The following RPA1 variants were observed in gnomAD, a reference collection of about 807,000 sequenced individuals.
RPA1 encodes the protein replication protein A1.
A neutral mutation model predicts 83.0 loss-of-function variants in RPA1; 49 were observed. That is an observed-to-expected ratio of 0.59 (90% CI 0.47 to 0.75). The LOEUF is 0.75. Among genes scored for constraint, RPA1 ranks in the 30% least tolerant of loss-of-function variants. RPA1 has a pLI of 0.00. For missense variants in RPA1, 693 were observed against 776.1 expected, an observed-to-expected ratio of 0.89 and a Z score of 1.27; for synonymous variants, 279 against 281.8, an observed-to-expected ratio of 0.99 and a Z score of 0.10.
At chr17:1,830,152 G>T in intron 1 of RPA1, 26 bp downstream of exon 1, 1 of 1,240,358 alleles carries the variant, frequency 8.1e-7, no homozygotes, top group Non-Finnish European at 1.0e-6. Flanking sequence ...GGGCTGGGCC[G>T]GCGGTCCGGG....
chr17:1,887,217 A>G (rs1914024053), intron 13 of RPA1, among the ~76,000 whole-genome samples: 2 of 152,138 alleles, frequency 1.3e-5, no homozygotes, highest in South Asian at 4.1e-4. Context: ...CCCATCTTAT[A>G]TGGGTGTAGT....
At chr17:1,889,971 G>C (rs550102911) in intron 14 of RPA1, among the ~76,000 whole-genome samples, 1 of 152,066 alleles carries the variant, frequency 6.6e-6, no homozygotes, top group Non-Finnish European at 1.5e-5. Flanking sequence ...CTGCACTCCA[G>C]CCCGGGCGAC....
At chr17:1,857,641 C>T (rs1465632816) in intron 5 of RPA1, among the ~76,000 whole-genome samples, 6 of 150,724 alleles carry the variant, frequency 4.0e-5, no homozygotes, top group Non-Finnish European at 7.4e-5. Flanking sequence ...CCCAAAGCCT[C>T]ACCAACCCAC....
At chr17:1,861,177 AC>A (rs1912949003) in intron 5 of RPA1, among the ~76,000 whole-genome samples, 1 of 152,138 alleles carries the variant, frequency 6.6e-6, no homozygotes, top group South Asian at 2.1e-4. Context: ...GAAACCTGCC[AC>A]CCATTTCTGG....
intron 14 of RPA1, among the ~76,000 whole-genome samples, chr17:1,889,334 A>AT (rs780976221): frequency 0.03 from 2,380 of 79,546 alleles, 39 homozygotes; most frequent in South Asian, 0.15. Context: ...GGTTTAAAAA[A>AT]ATTTTTTTTT....
intron 5 of RPA1, among the ~76,000 whole-genome samples, chr17:1,863,784 T>G (rs1348412910): frequency 6.6e-6 from 1 of 152,262 alleles, no homozygotes; most frequent in Non-Finnish European, 1.5e-5. Context: ...TGTTTTCAGA[T>G]ATTTTTAGTA....
In RPA1 at chr17:1,880,580, C is replaced by T. The variant is rs763813560; in HGVS notation, c.1130C>T (p.Ala377Val). The change falls in exon 12 of 17, where the codon GCT becomes GTT. Residue 377 changes from alanine (A) to valine (V), a missense_variant. Transcript: ENST00000254719. ...KFDGSRQPVL[A>V]IKGARVSDFG... is the part of the protein sequence containing the mutation. ...GATGGTTCTAGACAGCCCGTGTTGG[C>T]TATCAAAGGAGCCCGAGTCTCTGAT... 1 of 1,614,040 alleles carries T rather than the reference C, an allele frequency of 6.2e-7. No individual in the cohort carries two copies.
chr17:1,834,767 C>T (rs1273691086), intron 1 of RPA1, among the ~76,000 whole-genome samples: 1 of 152,134 alleles, frequency 6.6e-6, no homozygotes, highest in Non-Finnish European at 1.5e-5. Flanking sequence ...TCCCATTTTA[C>T]AGAGGAAGGA....
At chr17:1,859,037 G>C (rs1021323448) in intron 5 of RPA1, among the ~76,000 whole-genome samples, 1 of 151,594 alleles carries the variant, frequency 6.6e-6, no homozygotes, top group Non-Finnish European at 1.5e-5. Context: ...CAGGTAGCTA[G>C]GACTACAGGT....
At chr17:1,831,940 T>G (rs1464243543) in intron 1 of RPA1, among the ~76,000 whole-genome samples, 13 of 93,220 alleles carry the variant, frequency 1.4e-4, no homozygotes, top group Non-Finnish European at 2.0e-4. Flanking sequence ...AGAGTCTCAC[T>G]CTTTCTCCCC....
chr17:1,884,745 G>A lies in RPA1; in HGVS notation c.1374+801G>A, dbSNP rs1913928582. ...CCTGTCATGGGACACCCACTCTTTCGGTTCTCTGTAATCCCAGCTACCCAG... is the reference window on the plus strand; with the variant it reads ...CCTGTCATGGGACACCCACTCTTTCAGTTCTCTGTAATCCCAGCTACCCAG... On this transcript the variant is annotated intron_variant, in intron 13 of 16. Coordinates refer to ENST00000254719, the MANE Select transcript of RPA1 (RefSeq NM_002945.5). The surrounding 1 kb of genome is among the most constrained non-coding windows in gnomAD (Gnocchi z 4.1). Among the ~76,000 whole-genome samples, 2 of 152,132 alleles carry A rather than the reference G, an allele frequency of 1.3e-5. No homozygotes were observed. Among genetic ancestry groups the A allele is most frequent in the Admixed American group, 6.5e-5 (1 of 15,278 alleles).
intron 5 of RPA1, among the ~76,000 whole-genome samples, chr17:1,867,199 T>G (rs984039984): frequency 2.0e-5 from 3 of 152,104 alleles, no homozygotes; most frequent in African/African-American, 7.2e-5. Flanking sequence ...AGCGAATTTG[T>G]TATCACATTC....
chr17:1,849,145 C>T lies in RPA1; in HGVS notation c.273-3956C>T, dbSNP rs866873374. Among the ~76,000 whole-genome samples, 14 of 152,248 alleles carry T rather than the reference C, an allele frequency of 9.2e-5. No individual in the cohort carries two copies. The South Asian group carries it at 1.0e-3, about 11-fold the overall frequency. ...CCAGTTTACCTCCCTGCCAACAGCGCGTGAGTGTGGAGTTTCTCCCCGTTC... is the reference window on the plus strand; with the variant it reads ...CCAGTTTACCTCCCTGCCAACAGCGTGTGAGTGTGGAGTTTCTCCCCGTTC... On this transcript the variant is annotated intron_variant, in intron 4 of 16. Coordinates refer to ENST00000254719, the MANE Select transcript of RPA1 (RefSeq NM_002945.5).
intron 16 of RPA1, among the ~76,000 whole-genome samples, chr17:1,896,447 C>T (rs1018198255): frequency 6.6e-6 from 1 of 152,028 alleles, no homozygotes; most frequent in Non-Finnish European, 1.5e-5. Context: ...TTTACCTTAA[C>T]GCCCGTTCTT....
rs112139729 is a variant in RPA1, at chr17:1,897,417, A to G, written c.*242A>G. ...GTCAGCCAGTGGCTAGCGCAAGACC[A>G]GTCACTCCCTCTGCCTTCAGGCTTC... On this transcript the variant is annotated 3_prime_UTR_variant, in exon 17 of 17. Transcript: ENST00000254719. The G allele has an allele frequency of 2.6e-3, 1,083 of 423,940 alleles. 4 individuals carry two copies. Among genetic ancestry groups the G allele is most frequent in the Middle Eastern group, 5.1e-3 (8 of 1,582 alleles). The allele number at this position is 423,940 out of a possible 1,614,324, so 26.3% of individuals were successfully genotyped here.
intron 5 of RPA1, among the ~76,000 whole-genome samples, chr17:1,863,740 A>G (rs183588245): frequency 7.2e-5 from 11 of 152,252 alleles, no homozygotes; most frequent in African/African-American, 1.7e-4. Context: ...TTTTCAAAAC[A>G]TACTTGTAGA....
Position 1,830,021 on chromosome 17 carries a change from C to A in RPA1, c.-73C>A. On this transcript the variant is annotated 5_prime_UTR_variant, in exon 1 of 17. Transcript: ENST00000254719. ...GCGCAACTTCTCGGGCCAATAACTGCGCAGCGCGCGGGACCCGGGTGGGGA... is the reference window on the plus strand; with the variant it reads ...GCGCAACTTCTCGGGCCAATAACTGAGCAGCGCGCGGGACCCGGGTGGGGA... 2 of 1,234,634 alleles carry A rather than the reference C, an allele frequency of 1.6e-6. No individual in the cohort carries two copies. Among genetic ancestry groups the A allele is most frequent in the Non-Finnish European group, 2.0e-6 (2 of 976,196 alleles). The allele number at this position is 1,234,634 out of a possible 1,614,324, so 76.5% of individuals were successfully genotyped here. A position where few individuals can be genotyped will look rare whatever the true frequency, so the allele number is the denominator to read the frequency against.
intron 5 of RPA1, among the ~76,000 whole-genome samples, chr17:1,856,954 T>G (rs1030860569): frequency 8.6e-5 from 13 of 152,036 alleles, no homozygotes; most frequent in South Asian, 2.1e-4. Flanking sequence ...TGTATTCTAT[T>G]GATTTATGCT....
chr17:1,859,564 G>A (rs1289139312), intron 5 of RPA1, among the ~76,000 whole-genome samples: 3 of 152,058 alleles, frequency 2.0e-5, no homozygotes, highest in African/African-American at 7.2e-5. Flanking sequence ...TTTATCCCTG[G>A]GAAATTCTGT....
Sources: allele counts gnomAD v4.1 joint callset (sites outside exome capture counted in the v4.1 genomes callset), GRCh38; gene constraint gnomAD v4.1.1; non-coding constraint Gnocchi (gnomAD v3.1); transcripts MANE v1.5; gene names NCBI Gene and HGNC (gene_info 2026-07-23, HGNC 2026-07-21).